SGCZ: variants seen among roughly 807,000 people sequenced by gnomAD.
SGCZ encodes the protein zeta-sarcoglycan.
A neutral mutation model predicts 41.3 loss-of-function variants in SGCZ; 40 were observed. That is an observed-to-expected ratio of 0.97 (90% confidence interval 0.75 to 1.26). The LOEUF (loss-of-function observed/expected upper bound fraction) is 1.26, where lower values mean the gene tolerates loss of function less well. SGCZ is among the 50% of genes most tolerant of loss of function. The pLI is 0.00. For missense variants in SGCZ, 552 were observed against 369.8 expected (o/e 1.49, Z -4.04); for synonymous variants, 206 against 137.5 (o/e 1.50, Z -3.49).
chr8:14,268,857 G>A (rs1799964720), intron 3 of SGCZ, among the ~76,000 whole-genome samples: 1 of 151,674 alleles, frequency 6.6e-6, no homozygotes, highest in South Asian at 2.1e-4. Flanking sequence ...AAACGTATTA[G>A]AATGTATCTT....
chr8:14,676,525 G>C (rs1003386223), intron 1 of SGCZ, among the ~76,000 whole-genome samples: 3 of 152,104 alleles, frequency 2.0e-5, no homozygotes, highest in African/African-American at 7.2e-5. Context: ...CTCTATCAGA[G>C]TAAACCTCAA....
chr8:14,162,893 G>A (rs909278792), intron 5 of SGCZ, among the ~76,000 whole-genome samples: 2 of 152,132 alleles, frequency 1.3e-5, no homozygotes, highest in African/African-American at 4.8e-5. Flanking sequence ...ACTTTCGAGA[G>A]AGGGTCTGGC....
chr8:14,638,675 G>T (rs1806915209), intron 1 of SGCZ, among the ~76,000 whole-genome samples: 1 of 151,672 alleles, frequency 6.6e-6, no homozygotes, highest in African/African-American at 2.4e-5. Context: ...CTGAGGCTCT[G>T]CTCAGTTGTT....
At position 15,213,867 on chromosome 8, in the gene SGCZ, C is replaced by T. The variant is rs542315691; in HGVS notation, c.39+23718G>A. Among the ~76,000 whole-genome samples, 233 of 152,038 alleles carry T rather than the reference C, an allele frequency of 1.5e-3. 1 individual carries two copies. Among genetic ancestry groups the T allele is most frequent in the Middle Eastern group, 6.9e-3 (2 of 290 alleles). ...CTAATTTTCCCATAGGACCATATTT[C>T]TCTTTTTAAAAAACCACAATTCTAA... is the stretch of plus-strand genomic sequence containing the variant. On this transcript the variant is annotated intron_variant, in intron 1 of 7. Coordinates refer to ENST00000382080, the MANE Select transcript of SGCZ (RefSeq NM_139167.4).
rs746581674 is a variant in SGCZ, at chr8:14,410,225, C to T, written c.235-86021G>A. 8.1e-4 allele frequency among the ~76,000 whole-genome samples: 123 copies of T among 152,174 alleles called. 2 individuals carry two copies. The highest frequency in any genetic ancestry group is 1.6e-3 in the Non-Finnish European group (109 of 67,992). ...TTATCCCGAAACCATTTCCCTCCTC[C>T]CTTTCCTTCTGCCTGTGGAAAACTG... On this transcript the variant is annotated intron_variant, in intron 2 of 7. Transcript: ENST00000382080.
At chr8:14,775,438 A>T (rs986935226) in intron 1 of SGCZ, among the ~76,000 whole-genome samples, 1 of 148,802 alleles carries the variant, frequency 6.7e-6, no homozygotes, top group African/African-American at 2.5e-5. Context: ...TGTGTATGAC[A>T]GTATGCTGAG....
At chr8:14,259,774 G>C (rs60180506) in intron 3 of SGCZ, among the ~76,000 whole-genome samples, 2 of 150,442 alleles carry the variant, frequency 1.3e-5, no homozygotes, top group Non-Finnish European at 3.0e-5. Context: ...TTTTGGCTTA[G>C]GATTGACTTG....
intron 1 of SGCZ, among the ~76,000 whole-genome samples, chr8:15,146,420 C>A (rs1799039110): frequency 6.6e-6 from 1 of 152,128 alleles, no homozygotes; most frequent in African/African-American, 2.4e-5. Context: ...AGTTGGAGTG[C>A]AGTGGCTAAC....
intron 1 of SGCZ, among the ~76,000 whole-genome samples, chr8:15,134,492 T>C (rs990678379): frequency 6.6e-6 from 1 of 151,890 alleles, no homozygotes; most frequent in Admixed American, 6.6e-5. Context: ...TATACTCATA[T>C]TGAAAAATAG....
intron 2 of SGCZ, among the ~76,000 whole-genome samples, chr8:14,351,398 C>G (rs777842067): frequency 3.9e-5 from 6 of 151,974 alleles, no homozygotes; most frequent in Non-Finnish European, 7.4e-5. Context: ...TCAACTTCAG[C>G]CTTGTCTTCA....
chr8:15,056,398 A>C (rs763857493), intron 1 of SGCZ, among the ~76,000 whole-genome samples: 10 of 152,214 alleles, frequency 6.6e-5, no homozygotes, highest in Non-Finnish European at 1.2e-4. Context: ...CATTTTCTGC[A>C]ACATGGAAAC....
At chr8:14,689,876 T>C (rs1484337214) in intron 1 of SGCZ, among the ~76,000 whole-genome samples, 1 of 152,072 alleles carries the variant, frequency 6.6e-6, no homozygotes, top group Non-Finnish European at 1.5e-5. Context: ...AGGAGAAAAA[T>C]GGGCGGAGAC....
intron 4 of SGCZ, among the ~76,000 whole-genome samples, chr8:14,213,649 A>G (rs927716626): frequency 6.6e-6 from 1 of 152,160 alleles, no homozygotes; most frequent in Admixed American, 6.5e-5. Flanking sequence ...GTAAACGTAG[A>G]ACAAATATAA....
At chr8:14,662,630 T>C (rs1479971175) in intron 1 of SGCZ, among the ~76,000 whole-genome samples, 3 of 152,142 alleles carry the variant, frequency 2.0e-5, no homozygotes, top group African/African-American at 7.2e-5. Flanking sequence ...TCCAAAGAAG[T>C]CTATGAACTA....
rs982232860 is a variant in SGCZ at position 14,702,299 on chromosome 8, C to T, written c.40-147373G>A. Among the ~76,000 whole-genome samples, 4 of 151,864 alleles carry T rather than the reference C, an allele frequency of 2.6e-5. No individual in the cohort carries two copies. In the East Asian group the frequency reaches 7.7e-4, roughly 29 times the overall value. On this transcript the variant is annotated intron_variant, in intron 1 of 7. Coordinates refer to ENST00000382080, the MANE Select transcript of SGCZ (RefSeq NM_139167.4). ...TTCTTCTCTCTGTGTTTTTCCTTTA[C>T]TGACACTTTTCTTGCGCCGACATTT...
chr8:14,647,099 G>A (rs1807246662), intron 1 of SGCZ, among the ~76,000 whole-genome samples: 1 of 151,930 alleles, frequency 6.6e-6, no homozygotes, highest in Admixed American at 6.6e-5. Context: ...TTGTACTGCT[G>A]CATACTCCAA....
At chr8:14,177,528 G>C (rs1412656679) in intron 4 of SGCZ, among the ~76,000 whole-genome samples, 3 of 147,004 alleles carry the variant, frequency 2.0e-5, no homozygotes, top group Non-Finnish European at 4.6e-5. Flanking sequence ...GTTTGTTTTT[G>C]AGACGGAGTC....
In SGCZ at chr8:14,741,003, C is replaced by A. The variant is rs147491573; in HGVS notation, c.40-186077G>T. On this transcript the variant is annotated intron_variant, in intron 1 of 7. Coordinates refer to ENST00000382080, the MANE Select transcript of SGCZ (RefSeq NM_139167.4). The stretch of plus-strand genomic sequence containing the variant: ...ATCTGCCATTAAAAATAATTGGCAC[C>A]TTTAATTATGTACTTATTTCAGACA... Among the ~76,000 whole-genome samples, 228 of 152,168 alleles carry A rather than the reference C, an allele frequency of 1.5e-3. 2 individuals carry two copies. Among genetic ancestry groups the A allele is most frequent in the African/African-American group, 4.9e-3 (202 of 41,544 alleles).
intron 2 of SGCZ, among the ~76,000 whole-genome samples, chr8:14,445,313 T>G (rs527393202): frequency 3.9e-4 from 59 of 152,278 alleles, no homozygotes; most frequent in Non-Finnish European, 6.6e-4. Flanking sequence ...AACAATGTAT[T>G]TTTACTAATC....
Sources: allele counts gnomAD v4.1 joint callset (sites outside exome capture counted in the v4.1 genomes callset), GRCh38; gene constraint gnomAD v4.1.1; transcripts MANE v1.5; gene names NCBI Gene and HGNC (gene_info 2026-07-23, HGNC 2026-07-21).